Variants in TMPRSS11D observed in about 807,000 individuals in gnomAD.
TMPRSS11D encodes the protein transmembrane protease serine 11D.
In TMPRSS11D, 32 loss-of-function variants were observed where a neutral mutation model predicts 44.4. The ratio of observed to expected loss-of-function variants is 0.72; its 90% CI spans 0.54 to 0.97. The LOEUF (loss-of-function observed/expected upper bound fraction) is 0.97. TMPRSS11D is among the 50% of genes least tolerant of loss of function. The pLI is 0.00. For missense variants in TMPRSS11D, 446 were observed against 502.6 expected (o/e 0.89, Z 1.08); for synonymous variants, 179 against 177.9 (o/e 1.01, Z -0.05).
chr4:67,831,171 G>T (rs763606968), intron 7 of TMPRSS11D, among the ~76,000 whole-genome samples: 1 of 152,064 alleles, frequency 6.6e-6, no homozygotes, highest in Non-Finnish European at 1.5e-5. Flanking sequence ...ACTGTTAAAG[G>T]CAGATAAAAA....
Position 67,827,249 on chromosome 4 carries a change from C to T in TMPRSS11D, c.952+12G>A, listed in dbSNP as rs377130720. On this transcript the variant is annotated intron_variant, in intron 8 of 9. Coordinates refer to ENST00000283916, the MANE Select transcript of TMPRSS11D (RefSeq NM_004262.3). Reference sequence around the variant, plus strand: ...CATTTCTATTGTTAATTTTTTTTTCCGAGACACTTACCAGCATATTCTTGA... The same window carrying T: ...CATTTCTATTGTTAATTTTTTTTTCTGAGACACTTACCAGCATATTCTTGA... The T allele has an allele frequency of 3.6e-5, 57 of 1,562,588 alleles. No homozygotes were observed. Among genetic ancestry groups the T allele is most frequent in the African/African-American group, 4.2e-5 (3 of 71,700 alleles).
intron 9 of TMPRSS11D, among the ~76,000 whole-genome samples, chr4:67,825,191 C>G (rs1041316506): frequency 6.6e-6 from 1 of 151,634 alleles, no homozygotes; most frequent in African/African-American, 2.4e-5. Flanking sequence ...TGAATTATTA[C>G]GTATCTCTTA....
At chr4:67,853,412 T>C (rs1198852507) in intron 3 of TMPRSS11D, among the ~76,000 whole-genome samples, 1 of 152,236 alleles carries the variant, frequency 6.6e-6, no homozygotes, top group East Asian at 1.9e-4. Context: ...GCTAAAATTG[T>C]AGAACCATTG....
At chr4:67,877,542 T>A (rs1241437838) in intron 1 of TMPRSS11D, among the ~76,000 whole-genome samples, 2 of 152,220 alleles carry the variant, frequency 1.3e-5, no homozygotes, top group Non-Finnish European at 2.9e-5. Flanking sequence ...ATATCTCTAT[T>A]CAGTGCTTAG....
intron 7 of TMPRSS11D, among the ~76,000 whole-genome samples, chr4:67,830,860 G>T (rs1260116094): frequency 6.6e-6 from 1 of 152,030 alleles, no homozygotes; most frequent in Non-Finnish European, 1.5e-5. Flanking sequence ...AATAGCTCTG[G>T]GGTTTATTTA....
At chr4:67,832,220 T>C (rs751060562) in intron 7 of TMPRSS11D, among the ~76,000 whole-genome samples, 3 of 152,078 alleles carry the variant, frequency 2.0e-5, no homozygotes, top group Non-Finnish European at 4.4e-5. Context: ...TTTGTGTGTG[T>C]GATAAGGAGG....
intron 1 of TMPRSS11D, among the ~76,000 whole-genome samples, chr4:67,862,797 T>G (rs1718822075): frequency 6.6e-6 from 1 of 151,922 alleles, no homozygotes; most frequent in Admixed American, 6.6e-5. Flanking sequence ...CTCAGCAAAC[T>G]ATCGCAAGGA....
intron 2 of TMPRSS11D, among the ~76,000 whole-genome samples, chr4:67,859,073 C>T (rs1383129396): frequency 1.3e-5 from 2 of 152,080 alleles, no homozygotes; most frequent in African/African-American, 2.4e-5. Flanking sequence ...GCTTGTAAGA[C>T]ACTGTTTTCA....
chr4:67,837,258 A>C (rs1718113893), intron 5 of TMPRSS11D, among the ~76,000 whole-genome samples: 1 of 152,176 alleles, frequency 6.6e-6, no homozygotes, highest in East Asian at 1.9e-4. Flanking sequence ...AACAAACTGC[A>C]GTGCGTGAGC....
At chr4:67,882,367 A>G (rs558598502) in intron 1 of TMPRSS11D, among the ~76,000 whole-genome samples, 1 of 152,330 alleles carries the variant, frequency 6.6e-6, no homozygotes, top group South Asian at 2.1e-4. Context: ...AGGCTATTAA[A>G]GAGATAAAAT....
chr4:67,822,726 A>G (rs1273561769), intron 9 of TMPRSS11D, among the ~76,000 whole-genome samples: 8 of 152,164 alleles, frequency 5.3e-5, no homozygotes, highest in Non-Finnish European at 1.2e-4. Flanking sequence ...CATTTTTCAG[A>G]TTTCCCTCAG....
intron 4 of TMPRSS11D, among the ~76,000 whole-genome samples, chr4:67,841,596 A>C (rs1718232101): frequency 6.6e-6 from 1 of 152,144 alleles, no homozygotes; most frequent in Non-Finnish European, 1.5e-5. Flanking sequence ...AAGTGAACAA[A>C]AGGAGAGAAA....
chr4:67,828,085 G>C (rs1336916863), intron 7 of TMPRSS11D, among the ~76,000 whole-genome samples: 1 of 151,540 alleles, frequency 6.6e-6, no homozygotes, highest in Non-Finnish European at 1.5e-5. Flanking sequence ...TATGTATGGG[G>C]TCTTCAAAAG....
intron 7 of TMPRSS11D, among the ~76,000 whole-genome samples, chr4:67,831,540 G>C (rs1462173968): frequency 6.6e-6 from 1 of 152,030 alleles, no homozygotes; most frequent in Non-Finnish European, 1.5e-5. Context: ...TTTGGTGATT[G>C]GGACTGAATA....
At chr4:67,875,953 CTCTG>C (rs1211651418) in intron 1 of TMPRSS11D, among the ~76,000 whole-genome samples, 2 of 152,160 alleles carry the variant, frequency 1.3e-5, no homozygotes, top group African/African-American at 2.4e-5. Flanking sequence ...GGAAGGTAGG[CTCTG>C]TCTACCTTGT....
intron 3 of TMPRSS11D, among the ~76,000 whole-genome samples, chr4:67,843,288 G>A (rs1327365112): frequency 6.6e-6 from 1 of 152,042 alleles, no homozygotes; most frequent in African/African-American, 2.4e-5. Context: ...TAGTGGGGAA[G>A]AGGGGAAAAG....
intron 2 of TMPRSS11D, among the ~76,000 whole-genome samples, chr4:67,854,694 A>C (rs1002912021): frequency 1.3e-5 from 2 of 152,216 alleles, no homozygotes; most frequent in Non-Finnish European, 2.9e-5. Flanking sequence ...AATCCAATGT[A>C]AATTATTTTC....
chr4:67,824,120 CT>C (rs1717722910), intron 9 of TMPRSS11D, among the ~76,000 whole-genome samples: 1 of 136,262 alleles, frequency 7.3e-6, no homozygotes, highest in African/African-American at 2.8e-5. Flanking sequence ...CCTGTAAGCT[CT>C]TATGTAAAGT....
intron 3 of TMPRSS11D, among the ~76,000 whole-genome samples, chr4:67,849,482 A>G (rs187446571): frequency 1.3e-5 from 2 of 152,284 alleles, no homozygotes; most frequent in East Asian, 1.9e-4. Flanking sequence ...GTGTTTCAAT[A>G]TTTAATGGCA....
Sources: allele counts gnomAD v4.1 joint callset (sites outside exome capture counted in the v4.1 genomes callset), GRCh38; gene constraint gnomAD v4.1.1; transcripts MANE v1.5; gene names NCBI Gene and HGNC (gene_info 2026-07-23, HGNC 2026-07-21).